The following SULF1 variants were observed in gnomAD, a reference collection of about 807,000 sequenced individuals.
SULF1 encodes the protein sulfatase 1.
Under a neutral mutation model 110.5 loss-of-function variants are expected in SULF1, and 46 were observed. That is an observed-to-expected ratio of 0.42 (90% confidence interval 0.33 to 0.53). SULF1 has a LOEUF of 0.53. Ranked by LOEUF, SULF1 falls within the 20% of genes least tolerant of loss-of-function variation. The pLI, the probability that SULF1 is intolerant of heterozygous loss-of-function variation, is 0.12. For synonymous variants in SULF1, 371 were observed against 387.1 expected, an observed-to-expected ratio of 0.96 and a Z score of 0.49; for missense variants, 941 against 1,094.2, an observed-to-expected ratio of 0.86 and a Z score of 1.98.
chr8:69,575,347 G>T (rs896711475), intron 5 of SULF1, among the ~76,000 whole-genome samples: 4 of 152,010 alleles, frequency 2.6e-5, no homozygotes, highest in Non-Finnish European at 5.9e-5. Context: ...TTAAAAAATT[G>T]TGCATAAATA....
In SULF1 at chr8:69,585,482, G is replaced by A. The variant is rs1475883650; in HGVS notation, c.413-875G>A. On this transcript the variant is annotated intron_variant, in intron 6 of 22. Coordinates refer to ENST00000402687, the MANE Select transcript of SULF1 (RefSeq NM_001128205.2). ...AATCCCAGCTTCTTCTTTGCTTCCC[G>A]TACCCCTCTCCTGTCATCATCTTTT... 4.6e-5 allele frequency among the ~76,000 whole-genome samples: 7 copies of A among 151,948 alleles called. No homozygotes were observed. The East Asian group carries it at 9.7e-4, about 21-fold the overall frequency.
rs1807834292 is a variant in SULF1 at position 69,601,792 on chromosome 8, T to C, written c.1024T>C (p.Phe342Leu). The C allele has an allele frequency of 5.0e-6, 8 of 1,611,346 alleles. No homozygotes were observed. The highest frequency in any genetic ancestry group is 6.8e-6 in the Non-Finnish European group (8 of 1,178,964). Residue 342 changes from phenylalanine (F) to leucine (L), a missense_variant, in exon 10 of 23, where the codon TTT (phenylalanine) becomes CTT (leucine). Transcript: ENST00000402687. Reference protein sequence around the residue: ...MPYDFDIRVPFFIRGPSVEPG... With the variant: ...MPYDFDIRVPLFIRGPSVEPG... ...ATATGACTTTGATATTCGTGTGCCT[T>C]TTTTTATTCGTGGTCCAAGTGTAGA...
Position 69,576,085 on chromosome 8 carries a change from C to G in SULF1, c.288C>G (p.Thr96=). Reference sequence around the variant, plus strand: ...GCCCGTCACGGTCCTCCATGCTCACCGGGAAGTATGTGCACAATCACAATG... The same window carrying G: ...GCCCGTCACGGTCCTCCATGCTCACGGGGAAGTATGTGCACAATCACAATG... ...MCCPSRSSML[T]GKYVHNHNVY... is the part of the protein sequence containing the mutation. Residue 96 remains threonine, a synonymous_variant, in exon 6 of 23, where the codon ACC becomes ACG. Transcript: ENST00000402687. 6.2e-7 allele frequency: 1 copy of G among 1,614,132 alleles called. No individual in the cohort carries two copies. The highest frequency in any genetic ancestry group is 8.5e-7 in the Non-Finnish European group (1 of 1,180,024).
chr8:69,591,496 G>A (rs1159117628), intron 8 of SULF1, among the ~76,000 whole-genome samples: 10 of 151,660 alleles, frequency 6.6e-5, no homozygotes, highest in South Asian at 2.1e-4. Context: ...CCCGGGAGGC[G>A]GAGCTTGCAG....
chr8:69,642,940 A>G (rs2130696355), intron 22 of SULF1, among the ~76,000 whole-genome samples: 1 of 152,136 alleles, frequency 6.6e-6, no homozygotes, highest in Middle Eastern at 3.4e-3. Context: ...CTTTCACATA[A>G]TCTTGGCAAC....
chr8:69,542,656 C>T (rs1255437983), intron 3 of SULF1, among the ~76,000 whole-genome samples: 1 of 151,980 alleles, frequency 6.6e-6, no homozygotes, highest in East Asian at 1.9e-4. Flanking sequence ...TTACTTGAGG[C>T]CTCAGCATCC....
intron 18 of SULF1, among the ~76,000 whole-genome samples, chr8:69,629,000 A>C (rs1235954039): frequency 2.6e-5 from 4 of 152,276 alleles, no homozygotes; most frequent in Middle Eastern, 3.4e-3. Context: ...GGTCCCAAGA[A>C]AGCTGTCACT....
chr8:69,635,199 A>G (rs950133734), intron 19 of SULF1, among the ~76,000 whole-genome samples: 5 of 152,216 alleles, frequency 3.3e-5, no homozygotes, highest in African/African-American at 1.2e-4. Context: ...CAGTGAAACT[A>G]CTCTATGTGA....
At chr8:69,553,401 G>C (rs1423289194) in intron 3 of SULF1, among the ~76,000 whole-genome samples, 1 of 152,168 alleles carries the variant, frequency 6.6e-6, no homozygotes, top group Non-Finnish European at 1.5e-5. Flanking sequence ...AAAGATCAGA[G>C]AGAACCAGCA....
chr8:69,538,406 TG>T (rs1219658941), intron 3 of SULF1, among the ~76,000 whole-genome samples: 2 of 152,024 alleles, frequency 1.3e-5, no homozygotes, highest in East Asian at 3.9e-4. Flanking sequence ...ACTATCAATT[TG>T]GCTTGAGATT....
At chr8:69,468,686 C>A (rs1402154839) in intron 1 of SULF1, among the ~76,000 whole-genome samples, 1 of 152,148 alleles carries the variant, frequency 6.6e-6, no homozygotes, top group Non-Finnish European at 1.5e-5. Flanking sequence ...GAAAGGCAAG[C>A]TAATATCTCG....
intron 6 of SULF1, among the ~76,000 whole-genome samples, chr8:69,578,687 AG>A (rs1388169558): frequency 6.6e-6 from 1 of 152,050 alleles, no homozygotes; most frequent in Non-Finnish European, 1.5e-5. Flanking sequence ...CAGCCCGAGA[AG>A]TTTGTTTCAG....
chr8:69,640,073 A>AAGAG (rs938391692), intron 21 of SULF1, among the ~76,000 whole-genome samples: 2 of 151,118 alleles, frequency 1.3e-5, no homozygotes, highest in Non-Finnish European at 3.0e-5. Flanking sequence ...TTACAAAAAA[A>AAGAG]AGAGAGAGAG....
chr8:69,565,840 T>C (rs1815838739), intron 5 of SULF1, among the ~76,000 whole-genome samples: 1 of 152,156 alleles, frequency 6.6e-6, no homozygotes, highest in Non-Finnish European at 1.5e-5. Context: ...ACTCTGTGCT[T>C]CATAAACACA....
chr8:69,603,508 G>A, intron 11 of SULF1, 92 bp from the exon 12 acceptor site: 2 of 1,311,378 alleles, frequency 1.5e-6, no homozygotes, highest in Middle Eastern at 2.0e-4. Context: ...TCTGTGGGAA[G>A]TGAGAGGTGT....
intron 6 of SULF1, among the ~76,000 whole-genome samples, chr8:69,585,136 C>T (rs78049242): frequency 0.025 from 3,760 of 152,222 alleles, 142 homozygotes; most frequent in African/African-American, 0.084. Context: ...TATGTATATG[C>T]ATGCATAGGG....
chr8:69,484,866 T>TTCTTCTTTTCTTCC (rs1809639123), intron 1 of SULF1, among the ~76,000 whole-genome samples: 1 of 115,492 alleles, frequency 8.7e-6, no homozygotes, highest in Non-Finnish European at 1.9e-5. Flanking sequence ...TCTTCTTTTC[T>TTCTTCTTTTCTTCC]TCCTCCTCCT....
At chr8:69,491,024 G>A (rs1809915028), upstream of SULF1, among the ~76,000 whole-genome samples, 1 of 152,092 alleles carries the variant, frequency 6.6e-6, no homozygotes, top group African/African-American at 2.4e-5. Context: ...TTTAAAACCT[G>A]AATTGGTTTT....
At chr8:69,549,029 T>A (rs1814501473) in intron 3 of SULF1, among the ~76,000 whole-genome samples, 1 of 152,174 alleles carries the variant, frequency 6.6e-6, no homozygotes, top group African/African-American at 2.4e-5. Flanking sequence ...GGCTCGACCC[T>A]ATGGCTTGCT....
Sources: gnomAD v4.1 joint callset for allele counts (sites outside exome capture counted in the v4.1 genomes callset) on GRCh38, gnomAD v4.1.1 for gene constraint, MANE v1.5 for transcripts, NCBI Gene and HGNC (gene_info 2026-07-23, HGNC 2026-07-21) for gene names.